DCLRE1C: variants seen among roughly 807,000 people sequenced by gnomAD.
DCLRE1C encodes the protein DNA cross-link repair 1C.
A neutral mutation model predicts 61.4 loss-of-function variants in DCLRE1C; 47 were observed. That is an observed-to-expected ratio of 0.77 (90% CI 0.61 to 0.98). The LOEUF (loss-of-function observed/expected upper bound fraction) is 0.98, where lower values mean the gene tolerates loss of function less well. Ranked by LOEUF, DCLRE1C falls within the 50% of genes least tolerant of loss-of-function variation. The probability of loss-of-function intolerance (pLI) is 0.00; values close to 1 mark genes in which losing one functional copy is unlikely to be tolerated. For missense variants in DCLRE1C, 858 were observed against 816.0 expected (o/e 1.05, Z -0.63); for synonymous variants, 337 against 287.6 (o/e 1.17, Z -1.74).
intron 11 of DCLRE1C, chr10:14,923,368 A>G (rs1287547290): frequency 3.1e-6 from 1 of 321,464 alleles, no homozygotes; most frequent in African/African-American, 2.2e-5. Context: ...GGACTCAAAG[A>G]TTCTTTTTTT....
intron 8 of DCLRE1C, 78 bp downstream of exon 8, chr10:14,934,302 T>C (rs1839513007): frequency 6.4e-7 from 1 of 1,558,176 alleles, no homozygotes. Flanking sequence ...CACTCCAGCC[T>C]GGGCAACATA....
chr10:14,947,820 G>C (rs1321583151), intron 2 of DCLRE1C, among the ~76,000 whole-genome samples: 1 of 152,172 alleles, frequency 6.6e-6, no homozygotes, highest in Non-Finnish European at 1.5e-5. Context: ...AACACTTTGG[G>C]AGGCTGAGGC....
chr10:14,936,987 G>A (rs772598783), intron 4 of DCLRE1C, among the ~76,000 whole-genome samples: 3 of 152,268 alleles, frequency 2.0e-5, no homozygotes, highest in South Asian at 2.1e-4. Context: ...AAAAAGAACC[G>A]ACACGTGCTG....
chr10:14,939,425 C>T (rs1319467089), intron 4 of DCLRE1C, among the ~76,000 whole-genome samples: 17 of 130,716 alleles, frequency 1.3e-4, no homozygotes, highest in Admixed American at 4.1e-4. Context: ...GCCTGGGTGA[C>T]GGAGTGAGAC....
intron 9 of DCLRE1C, among the ~76,000 whole-genome samples, chr10:14,932,105 T>C (rs1839099440): frequency 1.3e-5 from 2 of 151,980 alleles, no homozygotes; most frequent in African/African-American, 4.8e-5. Context: ...ATGTCGGTGG[T>C]CCCAGCTACA....
In DCLRE1C at chr10:14,954,067, C is replaced by A; in HGVS notation, c.-57G>T. On this transcript the variant is annotated 5_prime_UTR_variant, in exon 1 of 14. Coordinates refer to ENST00000378278, the MANE Select transcript of DCLRE1C (RefSeq NM_001033855.3). Reference sequence around the variant, plus strand: ...AAACCGCAGCTGAAGCCAAGGCCAGCCCTGACCGCGCCGCCACTTCCGGGA... The same window carrying A: ...AAACCGCAGCTGAAGCCAAGGCCAGACCTGACCGCGCCGCCACTTCCGGGA... The A allele has an allele frequency of 6.2e-7, 1 of 1,607,906 alleles. No individual in the cohort carries two copies.
intron 12 of DCLRE1C, 22 bp downstream of exon 12, chr10:14,922,959 C>T: frequency 1.3e-6 from 2 of 1,587,270 alleles, no homozygotes; most frequent in Non-Finnish European, 1.7e-6. Context: ...GACACCAAGT[C>T]CCACAACCAG....
At chr10:14,932,655 C>T (rs1375506814) in intron 9 of DCLRE1C, among the ~76,000 whole-genome samples, 199 bp downstream of exon 9, 3 of 152,012 alleles carry the variant, frequency 2.0e-5, no homozygotes, top group Admixed American at 1.3e-4. Context: ...AAGTACAGAT[C>T]TGTGTCTATT....
intron 13 of DCLRE1C, among the ~76,000 whole-genome samples, chr10:14,909,706 T>C (rs7921238): frequency 0.37 from 55,640 of 152,022 alleles, 11,199 homozygotes; most frequent in East Asian, 0.54. Flanking sequence ...CTACAGCTGA[T>C]ATCTGTTCAG....
At chr10:14,923,321 G>A in intron 11 of DCLRE1C, 1 of 449,746 alleles carries the variant, frequency 2.2e-6, no homozygotes. Context: ...TTCCCCAGGT[G>A]ATTCTGATCC....
intron 13 of DCLRE1C, among the ~76,000 whole-genome samples, chr10:14,910,978 G>T (rs1314799896): frequency 6.6e-6 from 1 of 152,174 alleles, no homozygotes; most frequent in Non-Finnish European, 1.5e-5. Flanking sequence ...TCCTTGATGT[G>T]AGGTGGAAGT....
Position 14,908,187 on chromosome 10 carries a change from T to TTTTTTTTTTA in DCLRE1C, c.*220_*221insTAAAAAAAAA, listed in dbSNP as rs1834628701. 3.5e-5 allele frequency: 8 copies of TTTTTTTTTTA among 230,606 alleles called. 2 individuals are homozygous for TTTTTTTTTTA. The highest frequency in any genetic ancestry group is 1.5e-4 in the East Asian group (2 of 13,328). The allele number at this position is 230,606 out of a possible 1,614,324, so 14.3% of individuals were successfully genotyped here. A position where few individuals can be genotyped will look rare whatever the true frequency, so the allele number is the denominator to read the frequency against. ...TGGCTTTTTTTTTTTTTTTTTTTTT[T>TTTTTTTTTTA]GTAAGTAGAGACACATTTCACTGTG... is the stretch of plus-strand genomic sequence containing the variant. On this transcript the variant is annotated 3_prime_UTR_variant, in exon 14 of 14. Transcript: ENST00000378278.
chr10:14,940,029 T>C (rs930043222), intron 3 of DCLRE1C, among the ~76,000 whole-genome samples, 160 bp from the exon 4 acceptor site: 9 of 152,120 alleles, frequency 5.9e-5, no homozygotes, highest in Admixed American at 2.0e-4. Flanking sequence ...TTAGAAAAAA[T>C]TGTAAAGAAA....
chr10:14,912,601 T>G (rs772830567), intron 13 of DCLRE1C, among the ~76,000 whole-genome samples: 4 of 152,216 alleles, frequency 2.6e-5, no homozygotes, highest in Non-Finnish European at 5.9e-5. Context: ...TAAAAAGGTA[T>G]GAAATACTGA....
At chr10:14,897,715 T>G in exon 14 of DCLRE1C, 1 of 391,824 alleles carries the variant, frequency 2.6e-6, no homozygotes, top group Non-Finnish European at 4.4e-6. Context: ...ATAAAAAATA[T>G]ACGTTAAAAC....
intron 2 of DCLRE1C, among the ~76,000 whole-genome samples, chr10:14,948,319 G>C (rs2131158155): frequency 6.6e-6 from 1 of 152,252 alleles, no homozygotes; most frequent in Middle Eastern, 3.4e-3. Flanking sequence ...CTATCAATTA[G>C]CAGAGAAGCC....
Position 14,908,165 on chromosome 10 carries a change from C to CTTTTTT in DCLRE1C, c.*237_*242dup, listed in dbSNP as rs750020058. ...CAGAGTAGCCCACCACCATGCCTGGCTTTTTTTTTTTTTTTTTTTTTTGTA... is the reference window on the plus strand; with the variant it reads ...CAGAGTAGCCCACCACCATGCCTGGCTTTTTTTTTTTTTTTTTTTTTTTTTTTTGTA... On this transcript the variant is annotated 3_prime_UTR_variant, in exon 14 of 14. Coordinates refer to ENST00000378278, the MANE Select transcript of DCLRE1C (RefSeq NM_001033855.3). 0.021 allele frequency: 4,060 copies of CTTTTTT among 197,754 alleles called. 642 individuals carry two copies. The highest frequency in any genetic ancestry group is 0.11 in the African/African-American group (2,177 of 19,444). 12.2% of individuals were successfully genotyped at this position (197,754 alleles called of 1,614,324 possible). A position where few individuals can be genotyped will look rare whatever the true frequency, so the allele number is the denominator to read the frequency against.
At chr10:14,909,393 A>C in intron 13 of DCLRE1C, 63 bp from the exon 14 acceptor site, 1 of 1,454,144 alleles carries the variant, frequency 6.9e-7, no homozygotes, top group African/African-American at 1.4e-5. Context: ...TGTAGTATTT[A>C]TCTGTACTTT....
At chr10:14,932,294 A>G (rs1028059100) in intron 9 of DCLRE1C, among the ~76,000 whole-genome samples, 4 of 152,200 alleles carry the variant, frequency 2.6e-5, no homozygotes, top group Admixed American at 6.5e-5. Context: ...TGATTTCATT[A>G]CAAATAAATT....
Sources: gnomAD v4.1 joint callset for allele counts (sites outside exome capture counted in the v4.1 genomes callset) on GRCh38, gnomAD v4.1.1 for gene constraint, MANE v1.5 for transcripts, NCBI Gene and HGNC (gene_info 2026-07-23, HGNC 2026-07-21) for gene names.